The following RCL1 variants were observed in gnomAD, a reference collection of about 807,000 sequenced individuals.
RCL1 encodes RNA 3'-terminal phosphate cyclase-like protein.
RCL1 carries 24 observed loss-of-function variants against 42.4 expected under a neutral mutation model. The ratio of observed to expected loss-of-function variants is 0.57; its 90% CI spans 0.41 to 0.80. RCL1 has a LOEUF of 0.80. Ranked by LOEUF, RCL1 falls within the 30% of genes least tolerant of loss-of-function variation. RCL1 has a pLI of 0.00. For synonymous variants in RCL1, 228 were observed against 177.3 expected, an observed-to-expected ratio of 1.29 and a Z score of -2.27; for missense variants, 578 against 467.9, an observed-to-expected ratio of 1.24 and a Z score of -2.17.
chr9:4,817,502 C>A (rs904967444), intron 1 of RCL1, among the ~76,000 whole-genome samples: 1 of 141,950 alleles, frequency 7.0e-6, no homozygotes, highest in Non-Finnish European at 1.5e-5. Flanking sequence ...GAGACAGGGT[C>A]TGGCTCTGTC....
chr9:4,815,594 C>T (rs780863999), intron 1 of RCL1, among the ~76,000 whole-genome samples: 22 of 152,024 alleles, frequency 1.4e-4, no homozygotes, highest in African/African-American at 3.1e-4. Flanking sequence ...GCTTAAAGCT[C>T]GGCTTGAGGA....
chr9:4,854,527 C>T (rs1034919667), intron 8 of RCL1, among the ~76,000 whole-genome samples: 1 of 152,162 alleles, frequency 6.6e-6, no homozygotes, highest in African/African-American at 2.4e-5. Context: ...GCAGGACCCT[C>T]TGTTGTGGTT....
chr9:4,793,068 C>T lies in RCL1; in HGVS notation c.-24C>T. 1.2e-6 allele frequency: 2 copies of T among 1,603,648 alleles called. No homozygotes were observed. Among genetic ancestry groups the T allele is most frequent in the South Asian group, 1.1e-5 (1 of 89,274 alleles). On this transcript the variant is annotated 5_prime_UTR_variant, in exon 1 of 9. Coordinates refer to ENST00000381750, the MANE Select transcript of RCL1 (RefSeq NM_005772.5). ...CCGAAGTCGCCGCTCTCGGGCTGCT[C>T]ACGTCTCTTCGGAGAGCGCGCACAT... is the stretch of plus-strand genomic sequence containing the variant.
At chr9:4,810,497 T>A (rs190785227) in intron 1 of RCL1, among the ~76,000 whole-genome samples, 2 of 152,394 alleles carry the variant, frequency 1.3e-5, no homozygotes, top group African/African-American at 4.8e-5. Context: ...TATCTCCGTG[T>A]TGTAGCAGCA....
chr9:4,807,719 G>A lies in RCL1; in HGVS notation c.136+14492G>A, dbSNP rs778493183. Among the ~76,000 whole-genome samples, 40 of 151,970 alleles carry A rather than the reference G, an allele frequency of 2.6e-4. 1 individual carries two copies. Among genetic ancestry groups the A allele is most frequent in the Non-Finnish European group, 5.4e-4 (37 of 67,984 alleles). ...TTTTTCGTAGAGACAGGGTTTCTCC[G>A]TGTTGGTCAGGTTGGCCTCAAACTC... On this transcript the variant is annotated intron_variant, in intron 1 of 8. Coordinates refer to ENST00000381750, the MANE Select transcript of RCL1 (RefSeq NM_005772.5).
intron 8 of RCL1, among the ~76,000 whole-genome samples, chr9:4,852,224 T>C (rs1817779128): frequency 6.6e-6 from 1 of 152,168 alleles, no homozygotes; most frequent in African/African-American, 2.4e-5. Context: ...TTTTTTTCAG[T>C]AGAATAAAAT....
At chr9:4,806,792 G>A (rs981494767) in intron 1 of RCL1, among the ~76,000 whole-genome samples, 3 of 152,038 alleles carry the variant, frequency 2.0e-5, no homozygotes, top group Non-Finnish European at 2.9e-5. Context: ...AAATCAATTG[G>A]AAAGTTTCCT....
At chr9:4,804,393 C>T (rs796607442) in intron 1 of RCL1, 2 of 152,514 alleles carry the variant, frequency 1.3e-5, no homozygotes, top group African/African-American at 4.8e-5. Flanking sequence ...GGTGCCGGCA[C>T]GGCTGCCTTT....
In RCL1 at chr9:4,838,827, C is replaced by G. The variant is rs550520418; in HGVS notation, c.585-2405C>G. ...CAGATTCTCAGAGAGTTCTCTGATT[C>G]TTGAAAGAATAAGAACCTCTGCTTG... On this transcript the variant is annotated intron_variant, in intron 5 of 8. Coordinates refer to ENST00000381750, the MANE Select transcript of RCL1 (RefSeq NM_005772.5). Among the ~76,000 whole-genome samples the G allele has an allele frequency of 2.4e-4, 36 of 152,296 alleles. 1 individual carries two copies. The South Asian group carries it at 7.5e-3, about 32-fold the overall frequency.
At chr9:4,838,166 A>G (rs1230076864) in intron 5 of RCL1, among the ~76,000 whole-genome samples, 1 of 152,112 alleles carries the variant, frequency 6.6e-6, no homozygotes, top group Non-Finnish European at 1.5e-5. Context: ...TGTATTTCCC[A>G]TGGGAGGGCT....
At chr9:4,835,788 T>C (rs1442046069) in intron 5 of RCL1, among the ~76,000 whole-genome samples, 1 of 152,254 alleles carries the variant, frequency 6.6e-6, no homozygotes. Flanking sequence ...AGTCCTGTTA[T>C]AACTGCTGTG....
intron 1 of RCL1, among the ~76,000 whole-genome samples, chr9:4,822,262 C>T (rs1455573081): frequency 6.6e-6 from 1 of 152,224 alleles, no homozygotes; most frequent in Non-Finnish European, 1.5e-5. Context: ...TGTCCATAAA[C>T]TCTGCTGGTT....
At chr9:4,833,386 G>A (rs550192354) in intron 4 of RCL1, among the ~76,000 whole-genome samples, 158 bp downstream of exon 4, 1 of 152,190 alleles carries the variant, frequency 6.6e-6, no homozygotes, top group African/African-American at 2.4e-5. Flanking sequence ...TACAGACTTT[G>A]AACTGAAAGG....
At chr9:4,847,046 A>C (rs950875002) in intron 7 of RCL1, among the ~76,000 whole-genome samples, 1 of 151,668 alleles carries the variant, frequency 6.6e-6, no homozygotes. Flanking sequence ...CGCCTGGCTA[A>C]TTTTGTATTT....
intron 7 of RCL1, among the ~76,000 whole-genome samples, chr9:4,846,686 C>T (rs1817525956): frequency 6.6e-6 from 1 of 152,078 alleles, no homozygotes; most frequent in Admixed American, 6.5e-5. Context: ...TTCTCTCTAA[C>T]TATGGGGACA....
intron 3 of RCL1, 41 bp downstream of exon 3, chr9:4,827,074 T>G (rs927230013): frequency 6.2e-7 from 1 of 1,613,556 alleles, no homozygotes; most frequent in Non-Finnish European, 8.5e-7. Context: ...TTTTGTTTTG[T>G]CTCTTGTCAC....
intron 8 of RCL1, among the ~76,000 whole-genome samples, chr9:4,855,013 A>G (rs1008355826): frequency 6.8e-6 from 1 of 148,036 alleles, no homozygotes; most frequent in Non-Finnish European, 1.5e-5. Flanking sequence ...AGATCGCACC[A>G]TTGCACCCCA....
chr9:4,828,225 G>A (rs1204591582), intron 3 of RCL1, among the ~76,000 whole-genome samples: 3 of 151,222 alleles, frequency 2.0e-5, no homozygotes, highest in Middle Eastern at 3.5e-3. Flanking sequence ...GAGGTGGTAT[G>A]CTTGTCTTTA....
At position 4,813,858 on chromosome 9, in the gene RCL1, A is replaced by T. The variant is rs142019927; in HGVS notation, c.137-9690A>T. Among the ~76,000 whole-genome samples the T allele has an allele frequency of 7.1e-4, 108 of 152,384 alleles. 1 individual carries two copies. The highest frequency in any genetic ancestry group is 2.5e-3 in the African/African-American group (106 of 41,590). On this transcript the variant is annotated intron_variant, in intron 1 of 8. Transcript: ENST00000381750. Reference sequence around the variant, plus strand: ...ATACACCATGGAATACTGTGCAGCCATAAAAAATGATGAGTTCAGGTCCTT... The same window carrying T: ...ATACACCATGGAATACTGTGCAGCCTTAAAAAATGATGAGTTCAGGTCCTT...
Sources: allele counts gnomAD v4.1 joint callset (sites outside exome capture counted in the v4.1 genomes callset), GRCh38; gene constraint gnomAD v4.1.1; transcripts MANE v1.5; gene names NCBI Gene and HGNC (gene_info 2026-07-23, HGNC 2026-07-21).